The following RBFOX1 variants were observed in gnomAD, a reference collection of about 807,000 sequenced individuals.
RBFOX1 encodes RNA binding protein fox-1 homolog 1.
RBFOX1 carries 8 observed loss-of-function variants against 57.7 expected under a neutral mutation model. The observed-to-expected ratio is 0.14, with a 90% CI of 0.08 to 0.25. The LOEUF (loss-of-function observed/expected upper bound fraction) is 0.25, where lower values mean the gene tolerates loss of function less well. Among genes scored for constraint, RBFOX1 ranks in the 10% least tolerant of loss-of-function variants. The pLI is 1.00. For synonymous variants in RBFOX1, 326 were observed against 222.4 expected (o/e 1.47, Z -4.15); for missense variants, 611 against 548.5 (o/e 1.11, Z -1.14).
intron 4 of RBFOX1, among the ~76,000 whole-genome samples, chr16:7,220,835 C>G (rs1015816348): frequency 6.6e-6 from 1 of 152,064 alleles, no homozygotes; most frequent in Non-Finnish European, 1.5e-5. Flanking sequence ...TTCTCTTGAT[C>G]TCTATCCACC....
chr16:6,808,914 C>A (rs945608194), intron 3 of RBFOX1, among the ~76,000 whole-genome samples: 2 of 152,156 alleles, frequency 1.3e-5, no homozygotes, highest in Admixed American at 1.3e-4. Context: ...AAGATGTTAA[C>A]GCAAACTAAA....
intron 3 of RBFOX1, among the ~76,000 whole-genome samples, chr16:6,709,143 C>T (rs955331573): frequency 6.6e-6 from 1 of 151,970 alleles, no homozygotes; most frequent in Non-Finnish European, 1.5e-5. Context: ...CTTAAAGATG[C>T]TTTATTGAAA....
chr16:6,334,507 CA>C lies in RBFOX1; in HGVS notation c.-64+17467del, dbSNP rs35514991. On this transcript the variant is annotated intron_variant, in intron 2 of 15. Transcript: ENST00000550418. ...TGGACAACAGAGCAAGATAGCATCT[CA>C]AAAAAAAAAAAAAAAATCAAAGAAA... Among the ~76,000 whole-genome samples, 506 of 115,898 alleles carry C rather than the reference CA, an allele frequency of 4.4e-3. 3 individuals carry two copies. Among genetic ancestry groups the C allele is most frequent in the East Asian group, 0.031 (117 of 3,722 alleles). The allele number at this position is 115,898 out of a possible 152,430, so 76.0% of individuals were successfully genotyped here. A position where few individuals can be genotyped will look rare whatever the true frequency, so the allele number is the denominator to read the frequency against.
intron 7 of RBFOX1, among the ~76,000 whole-genome samples, chr16:7,588,412 AAC>A (rs1388278666): frequency 6.6e-6 from 1 of 152,224 alleles, no homozygotes; most frequent in Non-Finnish European, 1.5e-5. Context: ...TGAGGAAAAC[AAC>A]ACATGAGGCC....
At chr16:5,833,494 C>G (rs1402568299) in intron 3 of RBFOX1, among the ~76,000 whole-genome samples, 1 of 59,568 alleles carries the variant, frequency 1.7e-5, no homozygotes, top group Admixed American at 2.0e-4. Flanking sequence ...GACTCTATCT[C>G]AAAAAAAAAA....
chr16:6,554,662 T>C (rs1247011786), intron 2 of RBFOX1, among the ~76,000 whole-genome samples: 8 of 152,104 alleles, frequency 5.3e-5, no homozygotes, highest in African/African-American at 1.2e-4. Context: ...TTGTGCAGAC[T>C]TGTCCATCAG....
Position 6,001,268 on chromosome 16 carries a change from A to G in RBFOX1, c.351+133933A>G, listed in dbSNP as rs180727001. On this transcript the variant is annotated intron_variant, in intron 4 of 19. Coordinates refer to the RBFOX1 transcript ENST00000641259. The stretch of plus-strand genomic sequence containing the variant: ...GGTCCTGGAATTCTGATAATTTCCA[A>G]TGAGGTGATTTTCTCTAGATTTTCA... Among the ~76,000 whole-genome samples, 6 of 152,220 alleles carry G rather than the reference A, an allele frequency of 3.9e-5. No homozygotes were observed. The East Asian group carries it at 5.8e-4, about 15-fold the overall frequency.
intron 2 of RBFOX1, among the ~76,000 whole-genome samples, chr16:5,575,829 G>A (rs1009653393): frequency 1.4e-5 from 2 of 139,708 alleles, no homozygotes; most frequent in Admixed American, 7.5e-5. Context: ...CTGGTGCCAG[G>A]ACACTGAATT....
intron 3 of RBFOX1, among the ~76,000 whole-genome samples, chr16:6,901,784 T>C (rs2068564289): frequency 6.6e-6 from 1 of 152,154 alleles, no homozygotes; most frequent in African/African-American, 2.4e-5. Context: ...ATGAGATGGA[T>C]TGAGAAGGAA....
chr16:5,681,547 C>T (rs1467615151), intron 3 of RBFOX1, among the ~76,000 whole-genome samples: 1 of 151,580 alleles, frequency 6.6e-6, no homozygotes. Context: ...TGCAACCATG[C>T]CCAGCTAATT....
intron 3 of RBFOX1, among the ~76,000 whole-genome samples, chr16:6,934,484 T>A (rs1353794562): frequency 6.6e-6 from 1 of 152,160 alleles, no homozygotes; most frequent in African/African-American, 2.4e-5. Context: ...TAACTGTCCA[T>A]CAGTGGGCTA....
At chr16:6,857,619 T>G (rs1038342634) in intron 3 of RBFOX1, among the ~76,000 whole-genome samples, 1 of 152,236 alleles carries the variant, frequency 6.6e-6, no homozygotes, top group African/African-American at 2.4e-5. Flanking sequence ...TATGTTTTAT[T>G]TTCAGTGTTA....
At chr16:6,237,640 G>T (rs373306345) in intron 1 of RBFOX1, among the ~76,000 whole-genome samples, 129 of 152,124 alleles carry the variant, frequency 8.5e-4, no homozygotes, top group Middle Eastern at 3.4e-3. Flanking sequence ...TACTTGGGAG[G>T]GTGGGGAAGA....
At chr16:5,645,053 TG>T (rs2049001821) in intron 3 of RBFOX1, among the ~76,000 whole-genome samples, 1 of 148,248 alleles carries the variant, frequency 6.7e-6, no homozygotes, top group Non-Finnish European at 1.5e-5. Context: ...CTGAGCAACA[TG>T]GTGAAACCCT....
At chr16:6,773,384 G>A (rs575504390) in intron 3 of RBFOX1, among the ~76,000 whole-genome samples, 26 of 149,300 alleles carry the variant, frequency 1.7e-4, no homozygotes, top group South Asian at 2.1e-4. Context: ...GTGTGTGGGC[G>A]TGGGGTATAT....
At chr16:6,138,654 T>C (rs887154955) in intron 1 of RBFOX1, among the ~76,000 whole-genome samples, 3 of 151,638 alleles carry the variant, frequency 2.0e-5, no homozygotes, top group African/African-American at 7.3e-5. Flanking sequence ...GATCACGAGG[T>C]CAGGAGATCG....
At chr16:7,659,521 C>T (rs2067164537) in intron 12 of RBFOX1, among the ~76,000 whole-genome samples, 1 of 152,090 alleles carries the variant, frequency 6.6e-6, no homozygotes, top group Admixed American at 6.6e-5. Context: ...TTCCCTGGGA[C>T]ACACTGAAAG....
intron 4 of RBFOX1, among the ~76,000 whole-genome samples, chr16:7,273,114 C>T (rs1240482677): frequency 2.4e-5 from 3 of 123,290 alleles, no homozygotes; most frequent in Admixed American, 8.2e-5. Context: ...CTCCTTCCCT[C>T]TCTCCCTCCC....
intron 2 of RBFOX1, among the ~76,000 whole-genome samples, chr16:5,500,790 T>G (rs747976524): frequency 2.0e-5 from 3 of 152,202 alleles, no homozygotes; most frequent in Non-Finnish European, 4.4e-5. Context: ...ACCACACAGT[T>G]GACTCAGAGG....
Sources: allele counts gnomAD v4.1 joint callset (sites outside exome capture counted in the v4.1 genomes callset), GRCh38; gene constraint gnomAD v4.1.1; transcripts MANE v1.5; gene names NCBI Gene and HGNC (gene_info 2026-07-23, HGNC 2026-07-21).